Variants in SLC49A4 observed in about 807,000 individuals in gnomAD.
SLC49A4 encodes disrupted in renal cancer protein 2.
A neutral mutation model predicts 50.6 loss-of-function variants in SLC49A4; 36 were observed. The ratio of observed to expected loss-of-function variants is 0.71; its 90% CI spans 0.55 to 0.94. The LOEUF is 0.94. Ranked by LOEUF, SLC49A4 falls within the 40% of genes least tolerant of loss-of-function variation. The probability of loss-of-function intolerance (pLI) is 0.00; values close to 1 mark genes in which losing one functional copy is unlikely to be tolerated. For missense variants in SLC49A4, 503 were observed against 605.7 expected (o/e 0.83, Z 1.78); for synonymous variants, 248 against 241.2 (o/e 1.03, Z -0.26).
chr3:122,874,963 A>G (rs896818332), intron 8 of SLC49A4, among the ~76,000 whole-genome samples: 1 of 152,210 alleles, frequency 6.6e-6, no homozygotes, highest in African/African-American at 2.4e-5. Context: ...ATGTGTATTT[A>G]TGAGTGTGCA....
At chr3:122,864,836 G>A (rs1464129083) in intron 7 of SLC49A4, among the ~76,000 whole-genome samples, 2 of 152,022 alleles carry the variant, frequency 1.3e-5, no homozygotes, top group Non-Finnish European at 2.9e-5. Flanking sequence ...CAACATAGTG[G>A]GGCCATGTCC....
chr3:122,811,735 A>G (rs1047739384), intron 2 of SLC49A4, among the ~76,000 whole-genome samples: 1 of 152,222 alleles, frequency 6.6e-6, no homozygotes, highest in Admixed American at 6.5e-5. Context: ...AAAAGGAAGT[A>G]AAAGTCCTAT....
intron 1 of SLC49A4, among the ~76,000 whole-genome samples, chr3:122,805,044 C>A (rs1936194871): frequency 6.6e-6 from 1 of 151,826 alleles, no homozygotes; most frequent in Admixed American, 6.6e-5. Context: ...CCTATGGTCC[C>A]CAACCTATAA....
chr3:122,853,896 G>A (rs962151015), intron 5 of SLC49A4, among the ~76,000 whole-genome samples: 3 of 152,166 alleles, frequency 2.0e-5, no homozygotes, highest in Admixed American at 6.5e-5. Context: ...ATTAAATAAA[G>A]TAGAATTTAA....
At chr3:122,848,813 G>A (rs1458084504) in intron 5 of SLC49A4, among the ~76,000 whole-genome samples, 3 of 151,774 alleles carry the variant, frequency 2.0e-5, no homozygotes, top group African/African-American at 7.3e-5. Flanking sequence ...TCTTTGTGTT[G>A]GGAACTTACA....
At chr3:122,843,425 G>A (rs1936802549) in intron 4 of SLC49A4, among the ~76,000 whole-genome samples, 1 of 152,028 alleles carries the variant, frequency 6.6e-6, no homozygotes, top group South Asian at 2.1e-4. Context: ...ATTTCAATAT[G>A]TGCAATATAT....
chr3:122,808,683 C>G (rs771636641), intron 2 of SLC49A4, among the ~76,000 whole-genome samples: 7 of 152,036 alleles, frequency 4.6e-5, no homozygotes, highest in Admixed American at 2.0e-4. Context: ...CCATGGTGCT[C>G]GGCTGCTCCT....
chr3:122,829,325 G>A (rs1936579338), intron 3 of SLC49A4, among the ~76,000 whole-genome samples: 1 of 152,034 alleles, frequency 6.6e-6, no homozygotes, highest in Admixed American at 6.5e-5. Context: ...CAGATAAAAG[G>A]GAAAAAACAT....
Position 122,806,900 on chromosome 3 carries a change from G to T in SLC49A4, c.387G>T (p.Leu129Phe). ...TCCTGACATCCTTCCTTATGGTTTT[G>T]GGAACTGGTCTAAGATGCATACCTA... ...TVLLTSFLMV[L>F]GTGLRCIPIS... The change falls in exon 2 of 9, where the codon TTG (leucine) becomes TTT (phenylalanine). Residue 129 changes from leucine to phenylalanine, a missense_variant. By Grantham distance (22) the Leu-to-Phe change is conservative. Coordinates refer to ENST00000261038, the MANE Select transcript of SLC49A4 (RefSeq NM_032839.3). The T allele has an allele frequency of 6.2e-7, 1 of 1,610,966 alleles. No homozygotes were observed. Among genetic ancestry groups the T allele is most frequent in the Non-Finnish European group, 8.5e-7 (1 of 1,177,638 alleles).
rs34914829 is a variant in SLC49A4, at chr3:122,842,485, C to CAAAA, written c.834-3254_834-3251dup. On this transcript the variant is annotated intron_variant, in intron 4 of 8. Transcript: ENST00000261038. ...TGGGCGACAGAGCGAGACTCCGTCT[C>CAAAA]AAAAAAAAAAAAAAAAAAAAAAAAA... Among the ~76,000 whole-genome samples the CAAAA allele has an allele frequency of 9.5e-4, 56 of 58,776 alleles. 4 individuals carry two copies. Among genetic ancestry groups the CAAAA allele is most frequent in the Middle Eastern group, 0.017 (1 of 58 alleles). 38.6% of individuals were successfully genotyped at this position (58,776 alleles called of 152,430 possible).
At chr3:122,815,446 G>A (rs1456061602) in intron 2 of SLC49A4, among the ~76,000 whole-genome samples, 1 of 152,132 alleles carries the variant, frequency 6.6e-6, no homozygotes, top group Non-Finnish European at 1.5e-5. Context: ...TTGGCCACAT[G>A]GATCTGGAAG....
At chr3:122,808,859 A>C (rs1277433751) in intron 2 of SLC49A4, among the ~76,000 whole-genome samples, 1 of 152,202 alleles carries the variant, frequency 6.6e-6, no homozygotes, top group African/African-American at 2.4e-5. Context: ...AAATGTAATT[A>C]TATTCTGATT....
intron 4 of SLC49A4, among the ~76,000 whole-genome samples, chr3:122,838,221 G>T (rs1576301711): frequency 6.6e-6 from 1 of 152,248 alleles, no homozygotes; most frequent in South Asian, 2.1e-4. Context: ...TATACCCAAA[G>T]GATTATAAAT....
In SLC49A4 at chr3:122,804,764, C is replaced by T. The variant is rs137930127; in HGVS notation, c.344-2093C>T. Among the ~76,000 whole-genome samples, 180 of 152,328 alleles carry T rather than the reference C, an allele frequency of 1.2e-3. 1 individual carries two copies. Among genetic ancestry groups the T allele is most frequent in the African/African-American group, 4.3e-3 (177 of 41,558 alleles). On this transcript the variant is annotated intron_variant, in intron 1 of 8. Transcript: ENST00000261038. ...CCTCCCAGTGTGTTAGGATTATAGG[C>T]GTGAACCACAGTGCCTGGCCACAGA...
At chr3:122,823,985 A>G (rs573630055) in intron 2 of SLC49A4, among the ~76,000 whole-genome samples, 6 of 152,156 alleles carry the variant, frequency 3.9e-5, no homozygotes, top group Non-Finnish European at 8.8e-5. Context: ...GGACGCTAGG[A>G]TATAAGTGTC....
chr3:122,813,696 A>G (rs1322056238), intron 2 of SLC49A4, among the ~76,000 whole-genome samples: 1 of 152,226 alleles, frequency 6.6e-6, no homozygotes, highest in Non-Finnish European at 1.5e-5. Context: ...AAACAATTAA[A>G]ACTTTATCTG....
chr3:122,856,341 T>C lies in SLC49A4; in HGVS notation c.977T>C (p.Val326Ala), dbSNP rs774753636. Residue 326 changes from valine to alanine, a missense_variant, in exon 6 of 9, where the codon GTT becomes GCT. By Grantham distance (64) the Val-to-Ala change is moderately conservative (BLOSUM62 0). Coordinates refer to ENST00000261038, the MANE Select transcript of SLC49A4 (RefSeq NM_032839.3). ...DAGWIGFWSIVGGCVVGIAMA... is the reference protein window; with the variant it reads ...DAGWIGFWSIAGGCVVGIAMA... ...GGCTGGATTGGATTTTGGTCCATAG[T>C]TGGAGGCTGTGTTGTTGGAATAGCT... 10 of 1,614,040 alleles carry C rather than the reference T, an allele frequency of 6.2e-6. No individual in the cohort carries two copies. The highest frequency in any genetic ancestry group is 8.5e-6 in the Non-Finnish European group (10 of 1,179,976).
chr3:122,815,846 T>A (rs1303438681), intron 2 of SLC49A4, among the ~76,000 whole-genome samples: 1 of 152,230 alleles, frequency 6.6e-6, no homozygotes. Context: ...TTCTGCTTGA[T>A]GCTGATTTGG....
intron 5 of SLC49A4, among the ~76,000 whole-genome samples, chr3:122,853,383 G>A (rs1274200767): frequency 2.0e-5 from 3 of 152,178 alleles, no homozygotes; most frequent in Non-Finnish European, 2.9e-5. Context: ...GCTTCCTTTA[G>A]TTTTCTCACC....
Sources: allele counts gnomAD v4.1 joint callset (sites outside exome capture counted in the v4.1 genomes callset), GRCh38; gene constraint gnomAD v4.1.1; transcripts MANE v1.5; gene names NCBI Gene and HGNC (gene_info 2026-07-23, HGNC 2026-07-21).